ANKS1B: variants seen among roughly 807,000 people sequenced by gnomAD.
ANKS1B encodes the protein ankyrin repeat and sterile alpha motif domain-containing protein 1B.
In ANKS1B, 36 loss-of-function variants were observed where a neutral mutation model predicts 148.3. The observed-to-expected ratio is 0.24, with a 90% CI of 0.19 to 0.32. The LOEUF (loss-of-function observed/expected upper bound fraction) is 0.32. ANKS1B is among the 10% of genes least tolerant of loss of function. The pLI is 1.00. For synonymous variants in ANKS1B, 542 were observed against 560.8 expected (o/e 0.97, Z 0.47); for missense variants, 1,157 against 1,542.6 (o/e 0.75, Z 4.19).
intron 17 of ANKS1B, among the ~76,000 whole-genome samples, chr12:98,846,498 A>C (rs887094654): frequency 6.6e-6 from 1 of 152,220 alleles, no homozygotes; most frequent in South Asian, 2.1e-4. Flanking sequence ...AGGAACAGGT[A>C]TGTTGAGTGA....
At chr12:99,560,958 T>C (rs778508441) in intron 9 of ANKS1B, among the ~76,000 whole-genome samples, 1 of 147,580 alleles carries the variant, frequency 6.8e-6, no homozygotes, top group Non-Finnish European at 1.5e-5. Flanking sequence ...GCCATTCTCC[T>C]GCCTCAGCCT....
chr12:99,664,071 G>T (rs186819456), intron 8 of ANKS1B, among the ~76,000 whole-genome samples: 1 of 151,828 alleles, frequency 6.6e-6, no homozygotes, highest in African/African-American at 2.4e-5. Context: ...AAAGAGCTAA[G>T]TCTAAACTGA....
intron 14 of ANKS1B, among the ~76,000 whole-genome samples, chr12:99,170,525 C>G (rs1316281767): frequency 6.6e-6 from 1 of 152,198 alleles, no homozygotes; most frequent in Non-Finnish European, 1.5e-5. Flanking sequence ...TTAGAGCTAT[C>G]TCAATCGTAG....
At chr12:99,701,319 G>C (rs1025227325) in intron 8 of ANKS1B, among the ~76,000 whole-genome samples, 2 of 152,092 alleles carry the variant, frequency 1.3e-5, no homozygotes, top group African/African-American at 4.8e-5. Flanking sequence ...CTAAACAATA[G>C]TATATAGATG....
At chr12:98,919,029 G>A (rs1331577010) in intron 17 of ANKS1B, among the ~76,000 whole-genome samples, 5 of 152,010 alleles carry the variant, frequency 3.3e-5, no homozygotes, top group East Asian at 1.9e-4. Flanking sequence ...TTTGAGGCAC[G>A]GAAGTTTTAT....
chr12:99,753,794 G>A (rs1232286214), intron 8 of ANKS1B, among the ~76,000 whole-genome samples: 3 of 151,970 alleles, frequency 2.0e-5, no homozygotes, highest in African/African-American at 7.2e-5. Context: ...GGCCAAGGTG[G>A]GTGGATCACC....
chr12:99,322,801 T>C (rs968682678), intron 12 of ANKS1B, among the ~76,000 whole-genome samples: 3 of 152,196 alleles, frequency 2.0e-5, no homozygotes, highest in Non-Finnish European at 4.4e-5. Flanking sequence ...AGAGACCCAG[T>C]GGAAGATAAC....
At chr12:99,775,882 G>C (rs1048953539) in intron 6 of ANKS1B, among the ~76,000 whole-genome samples, 1 of 151,944 alleles carries the variant, frequency 6.6e-6, no homozygotes, top group East Asian at 1.9e-4. Context: ...TGGATTATTT[G>C]GGAGAAACTC....
chr12:99,115,172 C>T (rs1348015749), intron 15 of ANKS1B, among the ~76,000 whole-genome samples: 2 of 152,078 alleles, frequency 1.3e-5, no homozygotes, highest in East Asian at 1.9e-4. Flanking sequence ...CACATGCATG[C>T]GATGTTTACT....
At chr12:99,529,382 T>G (rs1828548) in intron 9 of ANKS1B, among the ~76,000 whole-genome samples, 69,335 of 152,004 alleles carry the variant, frequency 0.46, 16,596 homozygotes, top group African/African-American at 0.6. Context: ...GTTGGGCGTA[T>G]TAGCTCACAC....
intron 12 of ANKS1B, among the ~76,000 whole-genome samples, chr12:99,324,696 A>G (rs2085969386): frequency 1.3e-5 from 2 of 152,152 alleles, no homozygotes; most frequent in Admixed American, 6.6e-5. Context: ...AAGTACTATA[A>G]AAAACATTCA....
intron 10 of ANKS1B, among the ~76,000 whole-genome samples, chr12:99,476,849 A>G (rs1398084): frequency 0.71 from 107,189 of 152,020 alleles, 39,250 homozygotes; most frequent in African/African-American, 0.92. Context: ...TAACGTGTCA[A>G]TTGGGCCTAT....
chr12:99,544,812 C>T (rs2097158073), intron 9 of ANKS1B, among the ~76,000 whole-genome samples: 1 of 152,112 alleles, frequency 6.6e-6, no homozygotes, highest in Admixed American at 6.6e-5. Context: ...TGCTGATAAC[C>T]TTTCTTCTGT....
intron 9 of ANKS1B, chr12:99,648,588 C>T: frequency 6.2e-7 from 1 of 1,614,188 alleles, no homozygotes; most frequent in Non-Finnish European, 8.5e-7. Context: ...AAAAACAGCT[C>T]CACCTGAAGC....
At chr12:99,938,782 C>T (rs1029981957) in intron 1 of ANKS1B, among the ~76,000 whole-genome samples, 3 of 152,154 alleles carry the variant, frequency 2.0e-5, no homozygotes, top group African/African-American at 7.2e-5. Context: ...CTGCTAATTC[C>T]TGCCTTGTAC....
chr12:99,755,929 T>C (rs1567786458), intron 8 of ANKS1B, among the ~76,000 whole-genome samples: 1 of 152,032 alleles, frequency 6.6e-6, no homozygotes, highest in Non-Finnish European at 1.5e-5. Context: ...ATGTCCTTAT[T>C]TTGAGGACAT....
chr12:99,279,859 G>A (rs2078169147), intron 12 of ANKS1B, among the ~76,000 whole-genome samples: 1 of 151,914 alleles, frequency 6.6e-6, no homozygotes, highest in Admixed American at 6.6e-5. Flanking sequence ...AAAAAAATTA[G>A]CTGGGCATGT....
chr12:99,138,123 A>C (rs539916830), intron 15 of ANKS1B, among the ~76,000 whole-genome samples: 3 of 152,324 alleles, frequency 2.0e-5, no homozygotes, highest in South Asian at 4.1e-4. Context: ...AGTGGAAACT[A>C]AGCAAATGTT....
At chr12:99,543,049 C>T (rs1416872132) in intron 9 of ANKS1B, among the ~76,000 whole-genome samples, 1 of 152,052 alleles carries the variant, frequency 6.6e-6, no homozygotes, top group Non-Finnish European at 1.5e-5. Context: ...AAGACATTCA[C>T]AGACTAGGAG....
Sources: allele counts gnomAD v4.1 joint callset (sites outside exome capture counted in the v4.1 genomes callset), GRCh38; gene constraint gnomAD v4.1.1; transcripts MANE v1.5; gene names NCBI Gene and HGNC (gene_info 2026-07-23, HGNC 2026-07-21).